The following ESPL1 variants were observed in gnomAD, a reference collection of about 807,000 sequenced individuals.
ESPL1 encodes separin.
ESPL1 carries 50 observed loss-of-function variants against 217.2 expected under a neutral mutation model. The observed-to-expected ratio is 0.23, with a 90% CI of 0.18 to 0.29. The LOEUF (loss-of-function observed/expected upper bound fraction) is 0.29, where lower values mean the gene tolerates loss of function less well. ESPL1 is among the 10% of genes least tolerant of loss of function. ESPL1 has a pLI of 1.00. For synonymous variants in ESPL1, 994 were observed against 1,081.3 expected, an observed-to-expected ratio of 0.92 and a Z score of 1.58; for missense variants, 1,834 against 2,603.0, an observed-to-expected ratio of 0.70 and a Z score of 6.43.
chr12:53,287,374 C>CTTT, intron 18 of ESPL1: 1 of 129,902 alleles, frequency 7.7e-6, no homozygotes, highest in Non-Finnish European at 1.6e-5. Context: ...TGCTCAGCCT[C>CTTT]TTTTTTTTTT....
At chr12:53,291,937 G>A in intron 26 of ESPL1, 47 bp from the exon 27 acceptor site, 1 of 1,606,386 alleles carries the variant, frequency 6.2e-7, no homozygotes, top group Non-Finnish European at 8.5e-7. Context: ...TCTGACTTCT[G>A]CATATACCTG....
intron 17 of ESPL1, among the ~76,000 whole-genome samples, 188 bp downstream of exon 17, chr12:53,284,355 G>T (rs1943910668): frequency 6.6e-6 from 1 of 152,052 alleles, no homozygotes; most frequent in East Asian, 1.9e-4. Flanking sequence ...CCTAGGTTCA[G>T]GTGATTCTCC....
chr12:53,278,991 G>A (rs538065206), intron 11 of ESPL1, among the ~76,000 whole-genome samples: 1 of 151,946 alleles, frequency 6.6e-6, no homozygotes, highest in East Asian at 1.9e-4. Context: ...GGGTTCAAGC[G>A]ATTCTCCTGG....
intron 2 of ESPL1, 46 bp from the exon 3 acceptor site, chr12:53,268,978 C>T (rs759985301): frequency 5.8e-6 from 9 of 1,550,894 alleles, no homozygotes; most frequent in Admixed American, 1.7e-5. Context: ...TTCTCTACCT[C>T]TTTCCTGCCT....
At position 53,293,224 on chromosome 12, in the gene ESPL1, A is replaced by T; in HGVS notation, c.6162-49A>T. 6.8e-7 allele frequency: 1 copy of T among 1,464,394 alleles called. No individual in the cohort carries two copies. Among genetic ancestry groups the T allele is most frequent in the Non-Finnish European group, 9.6e-7 (1 of 1,044,486 alleles). The allele number at this position is 1,464,394 out of a possible 1,614,324, so 90.7% of individuals were successfully genotyped here. ...CACCACCAATGGTGTTTTCCTATGT[A>T]TTCTGTTTTAGAGCCCTTACTTTGT... On this transcript the variant is annotated intron_variant, in intron 30 of 30. Coordinates refer to ENST00000257934, the MANE Select transcript of ESPL1 (RefSeq NM_012291.5). The surrounding 1 kb of genome is among the most constrained non-coding windows in gnomAD (Gnocchi z 4.2).
rs1943885095 is a variant in ESPL1 at position 53,282,728 on chromosome 12, A to G, written c.2791+293A>G. On this transcript the variant is annotated intron_variant, in intron 14 of 30. Transcript: ENST00000257934. The surrounding 1 kb of genome is among the most constrained non-coding windows in gnomAD (Gnocchi z 4.0). Reference sequence around the variant, plus strand: ...GAGTGCAATGGTGCAATCTCAGCTCACTGCAACCTCTGCCTCCTGGGTTCA... The same window carrying G: ...GAGTGCAATGGTGCAATCTCAGCTCGCTGCAACCTCTGCCTCCTGGGTTCA... 6.6e-6 allele frequency among the ~76,000 whole-genome samples: 1 copy of G among 152,120 alleles called. No homozygotes were observed. The highest frequency in any genetic ancestry group is 2.4e-5 in the African/African-American group (1 of 41,412).
chr12:53,288,941 T>G, intron 20 of ESPL1, 149 bp from the exon 21 acceptor site: 1 of 728,790 alleles, frequency 1.4e-6, no homozygotes, highest in East Asian at 2.7e-5. Flanking sequence ...GTTAGTTGCA[T>G]GGCACCCCAC....
In ESPL1 at chr12:53,270,617, G is replaced by A. The variant is rs896703388; in HGVS notation, c.1249-61G>A. 1.1e-5 allele frequency: 17 copies of A among 1,610,944 alleles called. No homozygotes were observed. The African/African-American group carries it at 1.2e-4, about 11-fold the overall frequency. Reference sequence around the variant, plus strand: ...TTGCTTGGCTTTGGGTGTGGAGTGCGGTGGAGGTCATCTTGGACCCAGCAT... The same window carrying A: ...TTGCTTGGCTTTGGGTGTGGAGTGCAGTGGAGGTCATCTTGGACCCAGCAT... On this transcript the variant is annotated intron_variant, in intron 4 of 30. Coordinates refer to ENST00000257934, the MANE Select transcript of ESPL1 (RefSeq NM_012291.5).
Position 53,293,245 on chromosome 12 carries a change from T to G in ESPL1, c.6162-28T>G. The G allele has an allele frequency of 6.3e-7, 1 of 1,586,894 alleles. No homozygotes were observed. The highest frequency in any genetic ancestry group is 8.7e-7 in the Non-Finnish European group (1 of 1,155,242). On this transcript the variant is annotated intron_variant, in intron 30 of 30. Transcript: ENST00000257934. The surrounding 1 kb of genome is among the most constrained non-coding windows in gnomAD (Gnocchi z 4.2). ...ATGTATTCTGTTTTAGAGCCCTTAC[T>G]TTGTATTTCCTCCTTTTCTTTTCCC...
rs772856645 is a variant in ESPL1, at chr12:53,279,838, T to C, written c.2471T>C (p.Leu824Pro). ...TCCTGCCACATCACCCAGCTCCTCC[T>C]GACCCTCGGCTGTCCCAGCTATGCC... ...GSSCHITQLL[L>P]TLGCPSYAQL... Residue 824 changes from leucine to proline, a missense_variant, in exon 12 of 31, where the codon CTG becomes CCG. Transcript: ENST00000257934. The C allele has an allele frequency of 1.2e-6, 2 of 1,607,696 alleles. No homozygotes were observed. Among genetic ancestry groups the C allele is most frequent in the East Asian group, 2.2e-5 (1 of 44,574 alleles).
Position 53,292,735 on chromosome 12 carries a change from G to T in ESPL1, c.5997-71G>T. ...CACCATGGGTTGCTTTGGGACTTGA[G>T]AGCCTCTGAAGACACAGGCAGAGGC... On this transcript the variant is annotated intron_variant, in intron 29 of 30. Coordinates refer to ENST00000257934, the MANE Select transcript of ESPL1 (RefSeq NM_012291.5). The surrounding 1 kb of genome is among the most constrained non-coding windows in gnomAD (Gnocchi z 4.5). 2 of 1,600,334 alleles carry T rather than the reference G, an allele frequency of 1.2e-6. No individual in the cohort carries two copies. The highest frequency in any genetic ancestry group is 1.7e-6 in the Non-Finnish European group (2 of 1,171,018).
intron 17 of ESPL1, among the ~76,000 whole-genome samples, chr12:53,285,355 G>A (rs1943929947): frequency 6.6e-6 from 1 of 152,226 alleles, no homozygotes. Flanking sequence ...ATTCAGGTGT[G>A]GGCCTGCTGG....
chr12:53,268,914 T>C, intron 2 of ESPL1, 67 bp downstream of exon 2: 1 of 1,512,680 alleles, frequency 6.6e-7, no homozygotes, highest in South Asian at 1.1e-5. Context: ...GTTTGCCTTT[T>C]GAAGAGATGG....
At chr12:53,283,278 A>G in intron 15 of ESPL1, 21 bp downstream of exon 15, 1 of 1,614,014 alleles carries the variant, frequency 6.2e-7, no homozygotes, top group South Asian at 1.1e-5. Flanking sequence ...GGAGGACAGC[A>G]GGGCCCTCTT....
chr12:53,289,483 G>T lies in ESPL1; in HGVS notation c.5002G>T (p.Val1668Phe). ...GAGCCTTCAGGAGATGCCTGGAGAT[G>T]TCCCCCTGGCCCGCATCCAGCGCCT... Reference protein sequence around the residue: ...GLSLQEMPGDVPLARIQRLFS... With the variant: ...GLSLQEMPGDFPLARIQRLFS... Residue 1668 changes from valine to phenylalanine, a missense_variant, in exon 22 of 31, where the codon GTC becomes TTC. This residue lies in a region of ESPL1 where 681 missense variants were observed against 808.0 expected (regional missense o/e 0.84). Transcript: ENST00000257934. 1.2e-6 allele frequency: 2 copies of T among 1,614,094 alleles called. No homozygotes were observed. The highest frequency in any genetic ancestry group is 1.7e-6 in the Non-Finnish European group (2 of 1,179,946).
chr12:53,289,749 TTTG>T, intron 22 of ESPL1, 155 bp downstream of exon 22: 1 of 686,268 alleles, frequency 1.5e-6, no homozygotes, highest in South Asian at 2.1e-5. Context: ...ATCAGGAAGG[TTTG>T]TTGTTTTTTT....
intron 23 of ESPL1, 51 bp from the exon 24 acceptor site, chr12:53,290,296 A>G (rs759748380): frequency 6.2e-7 from 1 of 1,610,428 alleles, no homozygotes; most frequent in South Asian, 1.1e-5. Context: ...AGGGAGGGAG[A>G]GATGGTGATC....
At chr12:53,288,438 A>G in intron 19 of ESPL1, 97 bp downstream of exon 19, 1 of 1,532,102 alleles carries the variant, frequency 6.5e-7, no homozygotes, top group Non-Finnish European at 8.8e-7. Context: ...TACAGGAAGA[A>G]TGTTCTTTTG....
Position 53,286,750 on chromosome 12 carries a change from G to A in ESPL1, c.4014G>A (p.Leu1338=). 1.2e-6 allele frequency: 2 copies of A among 1,614,156 alleles called. No individual in the cohort carries two copies. Among genetic ancestry groups the A allele is most frequent in the East Asian group, 4.5e-5 (2 of 44,876 alleles). ...LRLNNTSQKG[L]EGRGLPCTPK... is the part of the protein sequence containing the mutation. ...TCAATAATACCTCTCAGAAAGGTCT[G>A]GAAGGTAGAGGACTGCCCTGCACAC... is the stretch of plus-strand genomic sequence containing the variant. Residue 1338 remains leucine, a synonymous_variant, in exon 18 of 31, where the codon CTG becomes CTA. Coordinates refer to ENST00000257934, the MANE Select transcript of ESPL1 (RefSeq NM_012291.5). This position sits in a 1 kb window ranked among gnomAD's most constrained non-coding sequence, Gnocchi z 5.3.
Sources: allele counts gnomAD v4.1 joint callset (sites outside exome capture counted in the v4.1 genomes callset), GRCh38; gene constraint gnomAD v4.1.1; regional missense constraint gnomAD v4.1.1; non-coding constraint Gnocchi (gnomAD v3.1); transcripts MANE v1.5; gene names NCBI Gene and HGNC (gene_info 2026-07-23, HGNC 2026-07-21).